GALNT13: variants seen among roughly 807,000 people sequenced by gnomAD.
The protein encoded by GALNT13 is UDP-GalNAc:polypeptide N-acetylgalactosaminyltransferase 13.
In GALNT13, 28 loss-of-function variants were observed where a neutral mutation model predicts 64.2. The observed-to-expected ratio is 0.44, with a 90% confidence interval of 0.32 to 0.60. The LOEUF is 0.60. GALNT13 is among the 20% of genes least tolerant of loss of function. GALNT13 has a pLI of 0.05. For missense variants in GALNT13, 577 were observed against 669.8 expected (o/e 0.86, Z 1.53); for synonymous variants, 214 against 224.6 (o/e 0.95, Z 0.42).
At chr2:153,932,903 C>T (rs943397146) in intron 2 of GALNT13, among the ~76,000 whole-genome samples, 1 of 152,114 alleles carries the variant, frequency 6.6e-6, no homozygotes, top group African/African-American at 2.4e-5. Flanking sequence ...GCTGGGATTA[C>T]AGGCATGAGC....
chr2:153,997,744 T>G (rs1695618158), intron 3 of GALNT13, among the ~76,000 whole-genome samples: 1 of 152,148 alleles, frequency 6.6e-6, no homozygotes, highest in Non-Finnish European at 1.5e-5. Flanking sequence ...GCTGCACCCA[T>G]CAACCTGTCA....
At chr2:153,256,492 T>C in the GALNT13 span, among the ~76,000 whole-genome samples, 1 of 152,178 alleles carries the variant, frequency 6.6e-6, no homozygotes, top group Non-Finnish European at 1.5e-5. Context: ...CCGTCCAGCT[T>C]TGTTCCGTTG....
At chr2:153,395,721 C>T in the GALNT13 span, among the ~76,000 whole-genome samples, 14 of 152,026 alleles carry the variant, frequency 9.2e-5, no homozygotes, top group Non-Finnish European at 1.8e-4. Flanking sequence ...ACCTCTGTTT[C>T]GCATTTCAGA....
At chr2:154,313,667 A>C (rs976002942) in intron 9 of GALNT13, among the ~76,000 whole-genome samples, 1 of 151,782 alleles carries the variant, frequency 6.6e-6, no homozygotes, top group Non-Finnish European at 1.5e-5. Context: ...GTTGGCCAGG[A>C]TGATGTTGAT....
intron 3 of GALNT13, among the ~76,000 whole-genome samples, chr2:154,007,240 A>C (rs1357448381): frequency 2.0e-5 from 3 of 152,128 alleles, no homozygotes; most frequent in African/African-American, 4.8e-5. Context: ...GCCAACAAGA[A>C]AACAGGGACT....
chr2:153,623,978 C>A, the GALNT13 span, among the ~76,000 whole-genome samples: 1 of 152,026 alleles, frequency 6.6e-6, no homozygotes. Context: ...AGAAAAGCAC[C>A]TTCTCATCAT....
the GALNT13 span, among the ~76,000 whole-genome samples, chr2:153,364,522 G>A: frequency 6.6e-6 from 1 of 152,100 alleles, no homozygotes; most frequent in Non-Finnish European, 1.5e-5. Context: ...AAGCTGATAA[G>A]CAACTTCAGC....
At chr2:153,185,676 A>G in the GALNT13 span, among the ~76,000 whole-genome samples, 1 of 152,152 alleles carries the variant, frequency 6.6e-6, no homozygotes, top group Admixed American at 6.5e-5. Context: ...TCATTAGTTT[A>G]CAAGAACTTC....
the GALNT13 span, among the ~76,000 whole-genome samples, chr2:153,720,032 C>T: frequency 6.7e-6 from 1 of 149,822 alleles, no homozygotes; most frequent in Non-Finnish European, 1.5e-5. Context: ...AAAAAGACAG[C>T]AGTAACCTCT....
the GALNT13 span, among the ~76,000 whole-genome samples, chr2:153,705,752 A>C: frequency 4.6e-5 from 7 of 152,202 alleles, no homozygotes; most frequent in Non-Finnish European, 1.0e-4. Flanking sequence ...CAGACAATCC[A>C]CAATGGAACA....
the GALNT13 span, among the ~76,000 whole-genome samples, chr2:153,322,602 A>G: frequency 1.3e-5 from 2 of 152,100 alleles, no homozygotes; most frequent in Non-Finnish European, 2.9e-5. Flanking sequence ...TGCTGCATCC[A>G]TCAACCCGTT....
chr2:153,134,360 T>C, the GALNT13 span, among the ~76,000 whole-genome samples: 9 of 151,778 alleles, frequency 5.9e-5, no homozygotes, highest in African/African-American at 1.9e-4. Flanking sequence ...AAATTTTATA[T>C]AGGTATGAAT....
chr2:153,780,344 C>T, the GALNT13 span, among the ~76,000 whole-genome samples: 2 of 151,190 alleles, frequency 1.3e-5, no homozygotes, highest in African/African-American at 4.9e-5. Flanking sequence ...CTTCTGGAAC[C>T]ACTAAAGTCC....
the GALNT13 span, among the ~76,000 whole-genome samples, chr2:153,725,434 T>C: frequency 2.7e-4 from 41 of 150,744 alleles, no homozygotes; most frequent in East Asian, 6.8e-3. Context: ...TGTGCACATG[T>C]ACCCTAAAAC....
intron 4 of GALNT13, among the ~76,000 whole-genome samples, chr2:154,153,436 G>C (rs1472507146): frequency 2.6e-5 from 4 of 152,202 alleles, no homozygotes; most frequent in Middle Eastern, 6.3e-3. Flanking sequence ...GCTGCATGCT[G>C]AGAGAGCCAC....
At chr2:154,312,194 A>G (rs1694083896) in intron 9 of GALNT13, among the ~76,000 whole-genome samples, 1 of 23,404 alleles carries the variant, frequency 4.3e-5, no homozygotes, top group South Asian at 5.5e-3. Context: ...AAAGACAGGC[A>G]TAAGAAATTA....
the GALNT13 span, among the ~76,000 whole-genome samples, chr2:153,855,457 T>C: frequency 2.0e-5 from 3 of 152,086 alleles, no homozygotes; most frequent in Admixed American, 1.3e-4. Context: ...CAAAGAAGAT[T>C]GCAAATGTCA....
At chr2:154,409,834 G>A (rs1046515800) in intron 11 of GALNT13, among the ~76,000 whole-genome samples, 6 of 151,832 alleles carry the variant, frequency 4.0e-5, no homozygotes, top group African/African-American at 7.2e-5. Context: ...AGTGTGAACC[G>A]AGGTTGCAAA....
At chr2:153,559,793 G>C in the GALNT13 span, among the ~76,000 whole-genome samples, 1 of 152,052 alleles carries the variant, frequency 6.6e-6, no homozygotes, top group African/African-American at 2.4e-5. Context: ...GTTTGCTGTA[G>C]CTCTTCTGTC....
Sources: allele counts gnomAD v4.1 joint callset (sites outside exome capture counted in the v4.1 genomes callset), GRCh38; gene constraint gnomAD v4.1.1; transcripts MANE v1.5; gene names NCBI Gene and HGNC (gene_info 2026-07-23, HGNC 2026-07-21).